FGF2: variants seen among roughly 807,000 people sequenced by gnomAD.
FGF2 encodes the protein fibroblast growth factor 2.
A neutral mutation model predicts 15.9 loss-of-function variants in FGF2; 13 were observed. The ratio of observed to expected loss-of-function variants is 0.82; its 90% CI spans 0.53 to 1.30. FGF2 has a LOEUF of 1.30. Ranked by LOEUF, FGF2 falls within the 50% of genes most tolerant of loss-of-function variation. The pLI is 0.00. For synonymous variants in FGF2, 90 were observed against 78.4 expected (o/e 1.15, Z -0.78); for missense variants, 163 against 196.9 (o/e 0.83, Z 1.03).
chr4:122,844,310 C>T (rs967500996), intron 1 of FGF2, among the ~76,000 whole-genome samples: 1 of 152,146 alleles, frequency 6.6e-6, no homozygotes, highest in Admixed American at 6.5e-5. Flanking sequence ...CACATCTTCA[C>T]GCTTCACTTC....
intron 1 of FGF2, among the ~76,000 whole-genome samples, chr4:122,864,094 C>T (rs558065366): frequency 1.3e-4 from 20 of 152,206 alleles, no homozygotes; most frequent in African/African-American, 4.8e-4. Flanking sequence ...CATTGAATTA[C>T]TGGGGACTGC....
At chr4:122,850,090 C>T (rs308432) in intron 1 of FGF2, among the ~76,000 whole-genome samples, 18,645 of 152,006 alleles carry the variant, frequency 0.12, 1,336 homozygotes, top group South Asian at 0.23. Flanking sequence ...GGCAAAACCT[C>T]ATCTCTACTA....
Position 122,891,426 on chromosome 4 carries a change from T to G in FGF2, c.283-785T>G, listed in dbSNP as rs564336831. On this transcript the variant is annotated intron_variant, in intron 2 of 2. Coordinates refer to ENST00000644866, the MANE Select transcript of FGF2 (RefSeq NM_001361665.2). ...GGTCTTTTTGAAAGCCAGCTATCCT[T>G]TTTTTTTTTTTTTTGATAAATAGTT... Among the ~76,000 whole-genome samples the G allele has an allele frequency of 1.1e-4, 15 of 139,422 alleles. No homozygotes were observed. In the South Asian group the frequency reaches 3.3e-3, roughly 31 times the overall value. The allele number at this position is 139,422 out of a possible 152,430, so 91.5% of individuals were successfully genotyped here. A position where few individuals can be genotyped will look rare whatever the true frequency, so the allele number is the denominator to read the frequency against.
chr4:122,843,829 AG>A (rs1726046067), intron 1 of FGF2, among the ~76,000 whole-genome samples: 1 of 152,204 alleles, frequency 6.6e-6, no homozygotes, highest in Non-Finnish European at 1.5e-5. Context: ...CTTCGTGAAA[AG>A]ATACTGTATT....
intron 2 of FGF2, chr4:122,890,032 T>C (rs1727135985): frequency 6.6e-6 from 1 of 152,222 alleles, no homozygotes; most frequent in African/African-American, 2.4e-5. Flanking sequence ...ATGGTTACTA[T>C]GAATTTTCCT....
chr4:122,852,694 A>C (rs1726259924), intron 1 of FGF2, among the ~76,000 whole-genome samples: 1 of 152,150 alleles, frequency 6.6e-6, no homozygotes, highest in Admixed American at 6.5e-5. Context: ...TCCAAGTTGA[A>C]ACCCCCTAAA....
rs1725666875 is a variant in FGF2, at chr4:122,827,448, T to G, written c.178+96T>G. 2.1e-6 allele frequency: 3 copies of G among 1,400,870 alleles called. No homozygotes were observed. The highest frequency in any genetic ancestry group is 1.4e-5 in the African/African-American group (1 of 70,616). 86.8% of individuals were successfully genotyped at this position (1,400,870 alleles called of 1,614,324 possible). Reference sequence around the variant, plus strand: ...CTGCACCCTCCTCCCGGATCTTCACTGCGACCCTAGCGCTCCGTGTGGTTT... The same window carrying G: ...CTGCACCCTCCTCCCGGATCTTCACGGCGACCCTAGCGCTCCGTGTGGTTT... On this transcript the variant is annotated intron_variant, in intron 1 of 2. Transcript: ENST00000644866. This position sits in a 1 kb window ranked among gnomAD's most constrained non-coding sequence, Gnocchi z 4.2.
Position 122,895,652 on chromosome 4 carries a change from G to T in FGF2, c.*3256G>T, listed in dbSNP as rs1367307747. 1 of 151,810 alleles carries T rather than the reference G, an allele frequency of 6.6e-6. No individual in the cohort carries two copies. Among genetic ancestry groups the T allele is most frequent in the Non-Finnish European group, 1.5e-5 (1 of 67,956 alleles). The allele number at this position is 151,810 out of a possible 1,614,324, so 9.4% of individuals were successfully genotyped here. On this transcript the variant is annotated 3_prime_UTR_variant, in exon 3 of 3. Coordinates refer to ENST00000644866, the MANE Select transcript of FGF2 (RefSeq NM_001361665.2). ...CTTGTGGATACCTTTATACTCTTAG[G>T]GTATTATTTTATACAAAAGCCTTGA...
At chr4:122,887,756 C>T (rs1334617859) in intron 2 of FGF2, among the ~76,000 whole-genome samples, 1 of 152,166 alleles carries the variant, frequency 6.6e-6, no homozygotes, top group East Asian at 1.9e-4. Flanking sequence ...TGTGGACAGC[C>T]TCCAGGGGAA....
chr4:122,847,819 T>C (rs1363018379), intron 1 of FGF2, among the ~76,000 whole-genome samples: 1 of 152,236 alleles, frequency 6.6e-6, no homozygotes, highest in Non-Finnish European at 1.5e-5. Flanking sequence ...TCCTTCTTGC[T>C]GGAGGAAAGC....
intron 1 of FGF2, among the ~76,000 whole-genome samples, chr4:122,858,803 A>G (rs943784609): frequency 2.6e-5 from 4 of 151,254 alleles, no homozygotes; most frequent in African/African-American, 4.9e-5. Flanking sequence ...CTGATGGAAG[A>G]AAAAAAAACA....
At chr4:122,877,853 A>G (rs1303808815) in intron 2 of FGF2, among the ~76,000 whole-genome samples, 1 of 152,260 alleles carries the variant, frequency 6.6e-6, no homozygotes, top group East Asian at 1.9e-4. Context: ...GAAAAAGGGT[A>G]TCTAAACTAT....
At chr4:122,873,402 T>G (rs1343139056) in intron 1 of FGF2, among the ~76,000 whole-genome samples, 1 of 152,260 alleles carries the variant, frequency 6.6e-6, no homozygotes, top group African/African-American at 2.4e-5. Context: ...TGTGTGGTAC[T>G]TGTGCACTGG....
At chr4:122,891,033 T>TG (rs1727167961) in intron 2 of FGF2, among the ~76,000 whole-genome samples, 2 of 118,022 alleles carry the variant, frequency 1.7e-5, no homozygotes, top group African/African-American at 3.1e-5. Flanking sequence ...TTTTTTTTTT[T>TG]TTGTTTTGTT....
chr4:122,862,313 TC>T (rs1302753805), intron 1 of FGF2, among the ~76,000 whole-genome samples: 6 of 152,342 alleles, frequency 3.9e-5, no homozygotes, highest in African/African-American at 1.4e-4. Flanking sequence ...TACTGGATGA[TC>T]CCTTACACTG....
At chr4:122,887,634 C>T (rs1049186400) in intron 2 of FGF2, among the ~76,000 whole-genome samples, 4 of 152,154 alleles carry the variant, frequency 2.6e-5, no homozygotes, top group Non-Finnish European at 5.9e-5. Context: ...TTCAAATACT[C>T]CCTACAAGGG....
At chr4:122,844,040 C>G (rs979313875) in intron 1 of FGF2, among the ~76,000 whole-genome samples, 52 of 152,322 alleles carry the variant, frequency 3.4e-4, no homozygotes, top group African/African-American at 1.3e-3. Context: ...AAAGATTTCT[C>G]TGTAGCATGA....
chr4:122,871,242 C>T (rs1030834025), intron 1 of FGF2, among the ~76,000 whole-genome samples: 14 of 152,010 alleles, frequency 9.2e-5, no homozygotes, highest in Non-Finnish European at 1.8e-4. Flanking sequence ...CTTCCAAATA[C>T]GTGGTCGGTT....
intron 1 of FGF2, among the ~76,000 whole-genome samples, chr4:122,847,028 C>T (rs979686095): frequency 6.6e-6 from 1 of 152,198 alleles, no homozygotes; most frequent in Non-Finnish European, 1.5e-5. Flanking sequence ...TTCATCTGCC[C>T]CTTGGCTTAT....
Sources: allele counts gnomAD v4.1 joint callset (sites outside exome capture counted in the v4.1 genomes callset), GRCh38; gene constraint gnomAD v4.1.1; non-coding constraint Gnocchi (gnomAD v3.1); transcripts MANE v1.5; gene names NCBI Gene and HGNC (gene_info 2026-07-23, HGNC 2026-07-21).